The following KCNIP4 variants were observed in gnomAD, a reference collection of about 807,000 sequenced individuals.
KCNIP4 encodes potassium voltage-gated channel interacting protein 4.
A neutral mutation model predicts 34.0 loss-of-function variants in KCNIP4; 12 were observed. That is an observed-to-expected ratio of 0.35 (90% confidence interval 0.23 to 0.57). The LOEUF (loss-of-function observed/expected upper bound fraction) is 0.57, where lower values mean the gene tolerates loss of function less well. KCNIP4 is among the 20% of genes least tolerant of loss of function. KCNIP4 has a pLI of 0.83. For synonymous variants in KCNIP4, 124 were observed against 102.2 expected, an observed-to-expected ratio of 1.21 and a Z score of -1.29; for missense variants, 238 against 311.7, an observed-to-expected ratio of 0.76 and a Z score of 1.78.
intron 1 of KCNIP4, among the ~76,000 whole-genome samples, chr4:21,015,109 G>A (rs1358411042): frequency 6.6e-6 from 1 of 151,922 alleles, no homozygotes; most frequent in Non-Finnish European, 1.5e-5. Context: ...TAGGATAGTG[G>A]TGATAAGGAA....
chr4:21,301,546 TC>T (rs1711703496), intron 1 of KCNIP4, among the ~76,000 whole-genome samples: 1 of 152,170 alleles, frequency 6.6e-6, no homozygotes, highest in South Asian at 2.1e-4. Flanking sequence ...TAAATCATTA[TC>T]TTCTGAACTT....
At position 21,297,048 on chromosome 4, in the gene KCNIP4, G is replaced by C. The variant is rs147809807; in HGVS notation, c.62-414339C>G. 1.1e-4 allele frequency among the ~76,000 whole-genome samples: 17 copies of C among 151,386 alleles called. No homozygotes were observed. In the East Asian group the frequency reaches 2.9e-3, roughly 26 times the overall value. ...TACGTATGTGTGTGTGCGTGTGTTT[G>C]TGTGTGTATAAATATATGAATTTCT... On this transcript the variant is annotated intron_variant, in intron 1 of 8. Coordinates refer to ENST00000382152, the MANE Select transcript of KCNIP4 (RefSeq NM_025221.6).
chr4:20,876,659 C>G (rs1281570431), intron 2 of KCNIP4, among the ~76,000 whole-genome samples: 1 of 152,080 alleles, frequency 6.6e-6, no homozygotes. Context: ...ACCTCCACCT[C>G]CTGGAGTGGA....
intron 1 of KCNIP4, among the ~76,000 whole-genome samples, chr4:21,254,867 G>A (rs1033738677): frequency 6.6e-6 from 1 of 152,120 alleles, no homozygotes; most frequent in Non-Finnish European, 1.5e-5. Flanking sequence ...ACCAGTTCCT[G>A]GTCTCTCATT....
At chr4:20,800,788 G>A (rs1044185589) in intron 3 of KCNIP4, among the ~76,000 whole-genome samples, 2 of 152,102 alleles carry the variant, frequency 1.3e-5, no homozygotes, top group African/African-American at 4.8e-5. Context: ...TGGGACTTAT[G>A]GGATATCATT....
intron 1 of KCNIP4, among the ~76,000 whole-genome samples, chr4:21,711,337 T>C (rs890772402): frequency 2.0e-5 from 3 of 152,084 alleles, no homozygotes; most frequent in Non-Finnish European, 4.4e-5. Context: ...TTGGGTGTGG[T>C]GACATGCACC....
intron 1 of KCNIP4, among the ~76,000 whole-genome samples, chr4:21,866,407 C>T (rs569933125): frequency 1.3e-4 from 20 of 152,276 alleles, no homozygotes; most frequent in African/African-American, 4.8e-4. Flanking sequence ...TTGTCTTTTG[C>T]CATAATATCT....
At chr4:21,169,158 TTTG>T (rs560732165) in intron 1 of KCNIP4, among the ~76,000 whole-genome samples, 263 of 152,058 alleles carry the variant, frequency 1.7e-3, no homozygotes, top group Non-Finnish European at 2.9e-3. Flanking sequence ...AAAACTCTAT[TTTG>T]TTGTTGTTGT....
In KCNIP4 at chr4:21,105,883, T is replaced by C. The variant is rs543057563; in HGVS notation, c.62-223174A>G. 4.1e-3 allele frequency among the ~76,000 whole-genome samples: 623 copies of C among 151,752 alleles called. 22 individuals are homozygous for C. Among genetic ancestry groups the C allele is most frequent in the Middle Eastern group, 0.017 (5 of 294 alleles). On this transcript the variant is annotated intron_variant, in intron 1 of 8. Coordinates refer to ENST00000382152, the MANE Select transcript of KCNIP4 (RefSeq NM_025221.6). The stretch of plus-strand genomic sequence containing the variant: ...TAGTTTTTGTCTTTGGTTCTGTTTA[T>C]ATGCTGGATTACATTTATTGATTTG...
chr4:21,299,379 T>A (rs1317508101), intron 1 of KCNIP4, among the ~76,000 whole-genome samples: 1 of 152,106 alleles, frequency 6.6e-6, no homozygotes, highest in Non-Finnish European at 1.5e-5. Context: ...TAAATCTTTT[T>A]CTTCCAATAG....
intron 1 of KCNIP4, among the ~76,000 whole-genome samples, chr4:21,598,399 TC>T (rs1742824279): frequency 6.6e-6 from 1 of 152,130 alleles, no homozygotes; most frequent in Non-Finnish European, 1.5e-5. Context: ...GCTTTGCAAG[TC>T]ATACAGTCTC....
At chr4:21,656,204 C>T (rs1427564704) in intron 1 of KCNIP4, among the ~76,000 whole-genome samples, 1 of 152,108 alleles carries the variant, frequency 6.6e-6, no homozygotes, top group East Asian at 1.9e-4. Flanking sequence ...CTTTAGCTTG[C>T]CAAAGCAACA....
intron 1 of KCNIP4, among the ~76,000 whole-genome samples, chr4:21,186,001 A>G (rs1045963422): frequency 2.0e-5 from 3 of 152,128 alleles, no homozygotes; most frequent in Non-Finnish European, 4.4e-5. Flanking sequence ...CCTGCTCTCT[A>G]TCCTAGAGAG....
chr4:20,839,340 A>G (rs528215174), intron 3 of KCNIP4, among the ~76,000 whole-genome samples: 47 of 152,098 alleles, frequency 3.1e-4, no homozygotes, highest in African/African-American at 1.1e-3. Flanking sequence ...AGATATAGAT[A>G]TACATAGTTT....
intron 1 of KCNIP4, among the ~76,000 whole-genome samples, chr4:21,192,725 T>A (rs901845543): frequency 3.3e-5 from 5 of 152,064 alleles, no homozygotes; most frequent in Admixed American, 3.3e-4. Context: ...ACTTTATTCA[T>A]TTAAATGAAA....
intron 1 of KCNIP4, among the ~76,000 whole-genome samples, chr4:21,937,590 A>T (rs947729192): frequency 1.3e-5 from 2 of 152,108 alleles, no homozygotes; most frequent in African/African-American, 4.8e-5. Flanking sequence ...CCTATTGGGC[A>T]TCTTCTCCAC....
chr4:21,638,495 T>G (rs1039331348), intron 1 of KCNIP4, among the ~76,000 whole-genome samples: 7 of 152,168 alleles, frequency 4.6e-5, no homozygotes, highest in African/African-American at 1.7e-4. Flanking sequence ...TCAAATATTT[T>G]TATGTTTTTT....
chr4:21,516,399 A>C (rs143002517), intron 1 of KCNIP4, among the ~76,000 whole-genome samples: 126 of 152,316 alleles, frequency 8.3e-4, no homozygotes, highest in African/African-American at 3.0e-3. Context: ...CTACCACAAC[A>C]ATCACCCTTT....
At chr4:21,754,433 T>C (rs896186824) in intron 1 of KCNIP4, among the ~76,000 whole-genome samples, 12 of 152,332 alleles carry the variant, frequency 7.9e-5, no homozygotes, top group Non-Finnish European at 2.9e-5. Flanking sequence ...TGGCTTATTA[T>C]AGGAGATGAA....
Sources: allele counts gnomAD v4.1 joint callset (sites outside exome capture counted in the v4.1 genomes callset), GRCh38; gene constraint gnomAD v4.1.1; transcripts MANE v1.5; gene names NCBI Gene and HGNC (gene_info 2026-07-23, HGNC 2026-07-21).